GNB4: variants seen among roughly 807,000 people sequenced by gnomAD.
GNB4 encodes guanine nucleotide-binding protein subunit beta-4.
A neutral mutation model predicts 45.2 loss-of-function variants in GNB4; 28 were observed. The ratio of observed to expected loss-of-function variants is 0.62; its 90% CI spans 0.46 to 0.85. GNB4 has a LOEUF of 0.85. Among genes scored for constraint, GNB4 ranks in the 40% least tolerant of loss-of-function variants. The pLI is 0.00. For synonymous variants in GNB4, 132 were observed against 143.7 expected, an observed-to-expected ratio of 0.92 and a Z score of 0.58; for missense variants, 321 against 425.4, an observed-to-expected ratio of 0.75 and a Z score of 2.16.
At chr3:179,494,299 G>GAGGA in the GNB4 span, among the ~76,000 whole-genome samples, 419 of 151,186 alleles carry the variant, frequency 2.8e-3, 2 homozygotes, top group African/African-American at 9.4e-3. Flanking sequence ...AAGAAAGAGA[G>GAGGA]AGGAAGGAAG....
chr3:179,524,946 G>C, the GNB4 span, among the ~76,000 whole-genome samples: 1 of 152,140 alleles, frequency 6.6e-6, no homozygotes, highest in African/African-American at 2.4e-5. Context: ...TAGGGTATGG[G>C]AGTGGAGGCT....
At chr3:179,486,355 G>A in the GNB4 span, among the ~76,000 whole-genome samples, 46 of 151,774 alleles carry the variant, frequency 3.0e-4, no homozygotes, top group African/African-American at 7.5e-4. Context: ...AATAAATCCC[G>A]TATTATGTGG....
At chr3:179,496,775 T>A in the GNB4 span, among the ~76,000 whole-genome samples, 1 of 152,118 alleles carries the variant, frequency 6.6e-6, no homozygotes, top group Non-Finnish European at 1.5e-5. Context: ...AAGGGATCAA[T>A]TTATCAAAAG....
At chr3:179,457,727 G>A in the GNB4 span, among the ~76,000 whole-genome samples, 1 of 152,186 alleles carries the variant, frequency 6.6e-6, no homozygotes, top group Non-Finnish European at 1.5e-5. Flanking sequence ...CAACATTAAT[G>A]CTTCTAGGAG....
chr3:179,458,177 A>G, the GNB4 span, among the ~76,000 whole-genome samples: 1 of 152,182 alleles, frequency 6.6e-6, no homozygotes, highest in South Asian at 2.1e-4. Flanking sequence ...TGCTGGGATT[A>G]CAGGCGTGAG....
Position 179,401,304 on chromosome 3 carries a change from T to G in GNB4, c.932A>C (p.His311Pro). The change falls in exon 10 of 10, where the codon CAT (histidine) becomes CCT (proline). Residue 311 changes from histidine (H) to proline (P), a missense_variant. His to Pro is a moderately conservative substitution (Grantham distance 77, BLOSUM62 -2). Transcript: ENST00000232564. ...ACCTAAGCAGCTCACACGGTTGTCA[T>G]GACCAGCAAGGACACCTGAAAAAAA... ...KGDRAGVLAGHDNRVSCLGVT... is the reference protein window; with the variant it reads ...KGDRAGVLAGPDNRVSCLGVT... 6.2e-7 allele frequency: 1 copy of G among 1,610,354 alleles called. No individual in the cohort carries two copies.
chr3:179,483,684 AC>A, the GNB4 span, among the ~76,000 whole-genome samples: 1 of 152,118 alleles, frequency 6.6e-6, no homozygotes, highest in South Asian at 2.1e-4. Context: ...TCTAAATATA[AC>A]CACTGTTAAG....
At chr3:179,464,868 C>T in the GNB4 span, 1 of 1,378,914 alleles carries the variant, frequency 7.3e-7, no homozygotes, top group East Asian at 2.3e-5. Flanking sequence ...ATGTTACCGG[C>T]TACCCCATGC....
At chr3:179,418,911 C>A (rs1039792543) in intron 4 of GNB4, among the ~76,000 whole-genome samples, 2 of 152,248 alleles carry the variant, frequency 1.3e-5, no homozygotes, top group Non-Finnish European at 2.9e-5. Context: ...AGATGGTCAG[C>A]TTGCACATTC....
At chr3:179,448,143 T>G (rs1049460169) in intron 1 of GNB4, among the ~76,000 whole-genome samples, 2 of 152,218 alleles carry the variant, frequency 1.3e-5, no homozygotes, top group Admixed American at 1.3e-4. Flanking sequence ...ACAGCCTACA[T>G]GGAGTCCCTT....
At chr3:179,514,868 T>A in the GNB4 span, among the ~76,000 whole-genome samples, 1 of 152,244 alleles carries the variant, frequency 6.6e-6, no homozygotes, top group Non-Finnish European at 1.5e-5. Flanking sequence ...CCTGGAAGAC[T>A]AATACACAAC....
chr3:179,470,004 G>A, the GNB4 span, among the ~76,000 whole-genome samples: 1 of 152,158 alleles, frequency 6.6e-6, no homozygotes, highest in African/African-American at 2.4e-5. Context: ...AGATTACAAG[G>A]AAGCTGAAAA....
rs1428212565 is a variant in GNB4 at position 179,446,254 on chromosome 3, C to A, written c.-43+5092G>T. On this transcript the variant is annotated intron_variant, in intron 1 of 9. Coordinates refer to ENST00000232564, the MANE Select transcript of GNB4 (RefSeq NM_021629.4). ...GAAGATTTAGGGCACTGACTCTGGT[C>A]CTCCACTGCTGGAGTTTGAACACTG... is the stretch of plus-strand genomic sequence containing the variant. Among the ~76,000 whole-genome samples the A allele has an allele frequency of 2.6e-5, 4 of 152,194 alleles. No homozygotes were observed. In the South Asian group the frequency reaches 8.3e-4, roughly 31 times the overall value.
chr3:179,489,502 A>C, the GNB4 span, among the ~76,000 whole-genome samples: 1 of 152,108 alleles, frequency 6.6e-6, no homozygotes, highest in Non-Finnish European at 1.5e-5. Flanking sequence ...TTAGCTGGGC[A>C]TGGTTGTACA....
intron 1 of GNB4, among the ~76,000 whole-genome samples, chr3:179,437,240 T>A (rs1156654585): frequency 1.3e-5 from 2 of 152,094 alleles, no homozygotes; most frequent in Non-Finnish European, 2.9e-5. Context: ...GAGTCAAGAA[T>A]TAAAATTTCT....
chr3:179,500,124 T>C, the GNB4 span, among the ~76,000 whole-genome samples: 2 of 152,256 alleles, frequency 1.3e-5, no homozygotes, highest in Non-Finnish European at 2.9e-5. Context: ...TTGTTGCCAT[T>C]GCTTTTGGTG....
At chr3:179,452,221 T>G (rs1348555663), upstream of GNB4, among the ~76,000 whole-genome samples, 5 of 105,414 alleles carry the variant, frequency 4.7e-5, no homozygotes, top group East Asian at 1.4e-3. Context: ...CAATCGAGTT[T>G]TTTTTTTTTT....
chr3:179,488,141 T>C, the GNB4 span, among the ~76,000 whole-genome samples: 3 of 152,282 alleles, frequency 2.0e-5, no homozygotes, highest in East Asian at 1.9e-4. Flanking sequence ...ACAGCTTTGA[T>C]TGGACAAAAG....
At chr3:179,508,265 G>A in the GNB4 span, among the ~76,000 whole-genome samples, 1 of 152,184 alleles carries the variant, frequency 6.6e-6, no homozygotes, top group Non-Finnish European at 1.5e-5. Flanking sequence ...GGGATTACAG[G>A]TGTGAGCCAC....
Sources: allele counts gnomAD v4.1 joint callset (sites outside exome capture counted in the v4.1 genomes callset), GRCh38; gene constraint gnomAD v4.1.1; transcripts MANE v1.5; gene names NCBI Gene and HGNC (gene_info 2026-07-23, HGNC 2026-07-21).